The following SORT1 variants were observed in gnomAD, a reference collection of about 807,000 sequenced individuals.
SORT1 encodes sortilin 1, also known as sortilin.
SORT1 carries 39 observed loss-of-function variants against 101.7 expected under a neutral mutation model. That is an observed-to-expected ratio of 0.38 (90% CI 0.30 to 0.50). The LOEUF (loss-of-function observed/expected upper bound fraction) is 0.50. Ranked by LOEUF, SORT1 falls within the 20% of genes least tolerant of loss-of-function variation. The pLI is 0.90. For synonymous variants in SORT1, 396 were observed against 393.7 expected (o/e 1.01, Z -0.07); for missense variants, 878 against 1,040.4 (o/e 0.84, Z 2.15).
At chr1:109,375,233 G>A (rs1239342381) in intron 1 of SORT1, among the ~76,000 whole-genome samples, 1 of 152,050 alleles carries the variant, frequency 6.6e-6, no homozygotes, top group African/African-American at 2.4e-5. Context: ...TATGCAATCA[G>A]GGCATCTAGA....
chr1:109,382,090 T>C (rs915375040), intron 1 of SORT1, among the ~76,000 whole-genome samples: 1 of 151,798 alleles, frequency 6.6e-6, no homozygotes, highest in African/African-American at 2.4e-5. Flanking sequence ...AGAAAAAGTA[T>C]AAAGGAAAGG....
chr1:109,329,132 G>T (rs1261133595), intron 11 of SORT1, among the ~76,000 whole-genome samples: 1 of 152,188 alleles, frequency 6.6e-6, no homozygotes, highest in African/African-American at 2.4e-5. Flanking sequence ...CCTGGTAAGG[G>T]CTTCCCCTGC....
rs1472270110 is a variant in SORT1 at position 109,397,787 on chromosome 1, G to A, written c.106C>T (p.Arg36Trp). 19 of 1,243,478 alleles carry A rather than the reference G, an allele frequency of 1.5e-5. No individual in the cohort carries two copies. The highest frequency in any genetic ancestry group is 1.8e-5 in the Non-Finnish European group (18 of 988,236). 77.0% of individuals were successfully genotyped at this position (1,243,478 alleles called of 1,614,324 possible). A position where few individuals can be genotyped will look rare whatever the true frequency, so the allele number is the denominator to read the frequency against. The stretch of plus-strand genomic sequence containing the variant: ...GCGGGCGGCGGCGGCGCGTCCAGCC[G>A]GTCCTGGCTGAGGGTCGACGGCGGC... Reference protein sequence around the residue: ...LLPPSTLSQDRLDAPPPPAAP... With the variant: ...LLPPSTLSQDWLDAPPPPAAP... The change falls in exon 1 of 20, where the codon CGG (arginine) becomes TGG (tryptophan). Residue 36 changes from arginine (R) to tryptophan (W), a missense_variant. By Grantham distance (101) the Arg-to-Trp change is moderately radical (BLOSUM62 -3). Transcript: ENST00000256637.
At chr1:109,329,122 C>T (rs1031058578) in intron 11 of SORT1, among the ~76,000 whole-genome samples, 38 of 152,138 alleles carry the variant, frequency 2.5e-4, no homozygotes, top group African/African-American at 9.2e-4. Context: ...GGATGAGCTA[C>T]CTGGTAAGGG....
At chr1:109,396,345 T>C (rs1653174325) in intron 1 of SORT1, among the ~76,000 whole-genome samples, 1 of 152,144 alleles carries the variant, frequency 6.6e-6, no homozygotes, top group African/African-American at 2.4e-5. Flanking sequence ...GCATTAGTGT[T>C]GTAAAGCCTT....
At chr1:109,329,502 C>T (rs934260527) in intron 11 of SORT1, among the ~76,000 whole-genome samples, 4 of 152,196 alleles carry the variant, frequency 2.6e-5, no homozygotes, top group African/African-American at 9.7e-5. Context: ...ATCCGCCCGC[C>T]TTGGTCTCCC....
In SORT1 at chr1:109,324,973, C is replaced by T. The variant is rs747109998; in HGVS notation, c.1760G>A (p.Gly587Asp). 6.2e-7 allele frequency: 1 copy of T among 1,613,518 alleles called. No individual in the cohort carries two copies. Among genetic ancestry groups the T allele is most frequent in the African/African-American group, 1.3e-5 (1 of 74,892 alleles). Residue 587 changes from glycine (G) to aspartate (D), a missense_variant, in exon 14 of 20, where the codon GGC becomes GAC. This residue lies in a region of SORT1 where 684 missense variants were observed against 894.5 expected (regional missense o/e 0.76). Transcript: ENST00000256637. ...GCTGGTCAGGAAAGATTCTGTGAAGCCCCAAATGCTGATATTCATGGACCT... is the reference window on the plus strand; with the variant it reads ...GCTGGTCAGGAAAGATTCTGTGAAGTCCCAAATGCTGATATTCATGGACCT... ...GARSMNISIW[G>D]FTESFLTSQW...
intron 3 of SORT1, 38 bp from the exon 4 acceptor site, chr1:109,355,507 T>A: frequency 1.1e-6 from 1 of 907,502 alleles, no homozygotes; most frequent in Non-Finnish European, 1.9e-6. Flanking sequence ...TAGGGTGCAG[T>A]GGTCATGGAT....
intron 8 of SORT1, among the ~76,000 whole-genome samples, chr1:109,343,212 T>C (rs1203022969): frequency 6.6e-6 from 1 of 152,204 alleles, no homozygotes; most frequent in Non-Finnish European, 1.5e-5. Context: ...GGGAGGATAT[T>C]ACAAAATGGC....
chr1:109,335,462 T>C (rs1396231889), intron 11 of SORT1, among the ~76,000 whole-genome samples: 1 of 151,984 alleles, frequency 6.6e-6, no homozygotes, highest in Non-Finnish European at 1.5e-5. Flanking sequence ...TGGGGTGGTG[T>C]AGGAAGGCAC....
chr1:109,317,089 G>C (rs775549318), intron 16 of SORT1, 131 bp from the exon 17 acceptor site: 5 of 640,772 alleles, frequency 7.8e-6, no homozygotes, highest in Non-Finnish European at 1.4e-5. Flanking sequence ...AGGCCTGGGG[G>C]GAATGTCCAC....
chr1:109,321,386 G>A (rs569931822), intron 15 of SORT1, among the ~76,000 whole-genome samples: 2 of 152,222 alleles, frequency 1.3e-5, no homozygotes, highest in East Asian at 1.9e-4. Context: ...CATCATGTGC[G>A]GTGGCATGGA....
At chr1:109,357,881 C>A (rs1187617761) in intron 3 of SORT1, among the ~76,000 whole-genome samples, 1 of 152,214 alleles carries the variant, frequency 6.6e-6, no homozygotes, top group Non-Finnish European at 1.5e-5. Flanking sequence ...CAGCTCTTAT[C>A]TTCCTGACAG....
In SORT1 at chr1:109,314,119, C is replaced by T. The variant is rs1658886116; in HGVS notation, c.2482-62G>A. 5 of 1,610,808 alleles carry T rather than the reference C, an allele frequency of 3.1e-6. No individual in the cohort carries two copies. In the South Asian group the frequency reaches 5.5e-5, roughly 18 times the overall value. On this transcript the variant is annotated intron_variant, in intron 19 of 19. Coordinates refer to ENST00000256637, the MANE Select transcript of SORT1 (RefSeq NM_002959.7). ...AACACTCCTATTTCAAAAGCAATCA[C>T]CTAGTTTCTGGGCTTGCCAAATCTT...
rs371918164 is a variant in SORT1, at chr1:109,342,125, G to C, written c.997C>G (p.Gln333Glu). The C allele has an allele frequency of 6.8e-6, 11 of 1,611,928 alleles. No individual in the cohort carries two copies. The highest frequency in any genetic ancestry group is 9.3e-6 in the Non-Finnish European group (11 of 1,178,210). Residue 333 changes from glutamine (Q) to glutamate (E), a missense_variant, in exon 9 of 20, where the codon CAA becomes GAA. Around this residue, in one of 2 missense-constraint regions of SORT1, gnomAD observed 684 missense variants for 894.5 expected, o/e 0.76. Transcript: ENST00000256637. Reference protein sequence around the residue: ...TTRRIHVSTDQGDTWSMAQLP... With the variant: ...TTRRIHVSTDEGDTWSMAQLP... ...TGGGCCATGCTCCATGTGTCCCCTT[G>C]ATCTGTTGAAACGTGGATCCTTCTT...
At chr1:109,319,533 T>C (rs926499652) in intron 15 of SORT1, among the ~76,000 whole-genome samples, 1 of 152,238 alleles carries the variant, frequency 6.6e-6, no homozygotes, top group African/African-American at 2.4e-5. Context: ...TTATTTTTTC[T>C]TCCACGCATT....
intron 3 of SORT1, among the ~76,000 whole-genome samples, chr1:109,362,608 T>C (rs1221838844): frequency 6.6e-6 from 1 of 152,138 alleles, no homozygotes; most frequent in Middle Eastern, 3.2e-3. Context: ...CTGTAGAAAT[T>C]TTGAAACTAC....
At chr1:109,354,672 T>C (rs1650191603) in intron 4 of SORT1, 141 bp from the exon 5 acceptor site, 1 of 647,810 alleles carries the variant, frequency 1.5e-6, no homozygotes, top group South Asian at 2.0e-5. Context: ...GATTAGTTGT[T>C]CCACTCTACC....
intron 6 of SORT1, 151 bp downstream of exon 6, chr1:109,350,778 G>A (rs893213213): frequency 3.2e-6 from 2 of 626,860 alleles, no homozygotes; most frequent in Non-Finnish European, 5.8e-6. Flanking sequence ...TCCAGGTCAA[G>A]GCCTGTGTCA....
Sources: allele counts gnomAD v4.1 joint callset (sites outside exome capture counted in the v4.1 genomes callset), GRCh38; gene constraint gnomAD v4.1.1; regional missense constraint gnomAD v4.1.1; transcripts MANE v1.5; gene names NCBI Gene and HGNC (gene_info 2026-07-23, HGNC 2026-07-21).